Variants in ZNF678 observed in about 807,000 individuals in gnomAD.
ZNF678 encodes zinc finger protein 678.
In ZNF678, 5 loss-of-function variants were observed where a neutral mutation model predicts 3.0. The ratio of observed to expected loss-of-function variants is 1.69; its 90% CI spans 0.88 to 3.56. ZNF678 has a LOEUF of 3.56. Ranked by LOEUF, ZNF678 falls within the 30% of genes most tolerant of loss-of-function variation. The probability of loss-of-function intolerance (pLI) is 0.00; values close to 1 mark genes in which losing one functional copy is unlikely to be tolerated. For synonymous variants in ZNF678, 218 were observed against 199.6 expected, an observed-to-expected ratio of 1.09 and a Z score of -0.78; for missense variants, 593 against 605.0, an observed-to-expected ratio of 0.98 and a Z score of 0.21.
rs545384021 is a variant in ZNF678 at position 227,603,993 on chromosome 1, T to G, written c.-164+40269T>G. On this transcript the variant is annotated intron_variant, in intron 1 of 3. Coordinates refer to ENST00000343776, the MANE Select transcript of ZNF678 (RefSeq NM_001367909.1). ...TAGTTTGTTTGAGGTTCATATCTGTTGTAGCATGTAGCATTATTTAATTCA... is the reference window on the plus strand; with the variant it reads ...TAGTTTGTTTGAGGTTCATATCTGTGGTAGCATGTAGCATTATTTAATTCA... 2.0e-5 allele frequency among the ~76,000 whole-genome samples: 3 copies of G among 152,368 alleles called. No homozygotes were observed. The South Asian group carries it at 6.2e-4, about 32-fold the overall frequency.
intron 1 of ZNF678, among the ~76,000 whole-genome samples, chr1:227,590,123 C>A (rs1206514462): frequency 6.6e-6 from 1 of 151,784 alleles, no homozygotes; most frequent in Non-Finnish European, 1.5e-5. Flanking sequence ...GTTCCTATTA[C>A]TACTATAATT....
In ZNF678 at chr1:227,656,929, C is replaced by T. The variant is rs1176380295; in HGVS notation, c.*1101C>T. The T allele has an allele frequency of 1.3e-5, 2 of 151,926 alleles. No individual in the cohort carries two copies. The highest frequency in any genetic ancestry group is 2.4e-5 in the African/African-American group (1 of 41,400). The allele number at this position is 151,926 out of a possible 1,614,324, so 9.4% of individuals were successfully genotyped here. ...TTGTAGGTAACAGATAGTAACAATACACTACTGGGTAACAGTGAAAGGACA... is the reference window on the plus strand; with the variant it reads ...TTGTAGGTAACAGATAGTAACAATATACTACTGGGTAACAGTGAAAGGACA... On this transcript the variant is annotated 3_prime_UTR_variant, in exon 4 of 4. Transcript: ENST00000343776.
At chr1:227,616,667 T>C (rs1347804924) in intron 1 of ZNF678, among the ~76,000 whole-genome samples, 3 of 152,198 alleles carry the variant, frequency 2.0e-5, no homozygotes, top group African/African-American at 7.2e-5. Context: ...ATATTCCTCA[T>C]TTGAGTGTGT....
At chr1:227,598,970 A>C in intron 1 of ZNF678, 2 of 1,054,504 alleles carry the variant, frequency 1.9e-6, no homozygotes, top group South Asian at 1.3e-5. Context: ...TTTTTTCTTC[A>C]AATTCAGCCA....
chr1:227,576,433 CT>C (rs1378887009), intron 1 of ZNF678, among the ~76,000 whole-genome samples: 1 of 152,150 alleles, frequency 6.6e-6, no homozygotes, highest in African/African-American at 2.4e-5. Flanking sequence ...CACTATTTGT[CT>C]GTTCAGGGTT....
chr1:227,656,726 T>C lies in ZNF678; in HGVS notation c.*898T>C, dbSNP rs1659259013. 1 of 151,992 alleles carries C rather than the reference T, an allele frequency of 6.6e-6. No individual in the cohort carries two copies. 9.4% of individuals were successfully genotyped at this position (151,992 alleles called of 1,614,324 possible). ...TAGTAATAGGGAAACATTTTGAATT[T>C]CAGTAGTAAATTGTTTTATGAGTTG... On this transcript the variant is annotated 3_prime_UTR_variant, in exon 4 of 4. Transcript: ENST00000343776.
At chr1:227,647,098 CA>C (rs111899784) in intron 2 of ZNF678, among the ~76,000 whole-genome samples, 1 of 151,050 alleles carries the variant, frequency 6.6e-6, no homozygotes, top group Non-Finnish European at 1.5e-5. Context: ...ACTAAAAATA[CA>C]AAAAAAAATT....
At chr1:227,667,661 CTT>C (rs1482266609) in intron 5 of ZNF678, among the ~76,000 whole-genome samples, 2 of 152,202 alleles carry the variant, frequency 1.3e-5, no homozygotes, top group Non-Finnish European at 1.5e-5. Flanking sequence ...AGAACGATGA[CTT>C]ATCAGTTCTT....
intron 1 of ZNF678, chr1:227,582,541 C>T (rs1239804836): frequency 1.1e-5 from 2 of 190,376 alleles, no homozygotes; most frequent in Admixed American, 6.0e-5. Flanking sequence ...GTTGCCCAGG[C>T]TGGTCTTGAA....
intron 3 of ZNF678, 58 bp from the exon 4 acceptor site, chr1:227,654,278 A>G (rs1659157537): frequency 3.1e-6 from 4 of 1,269,926 alleles, no homozygotes; most frequent in Non-Finnish European, 3.2e-6. Context: ...TTAGATTTGT[A>G]AAGTATATTT....
chr1:227,593,863 C>T (rs371597312), intron 1 of ZNF678, among the ~76,000 whole-genome samples: 20 of 76,738 alleles, frequency 2.6e-4, no homozygotes, highest in African/African-American at 9.7e-4. Context: ...CATCCCCCCC[C>T]CCCCTTTTTT....
chr1:227,563,798 G>A, intron 1 of ZNF678, 74 bp downstream of exon 1: 1 of 1,275,624 alleles, frequency 7.8e-7, no homozygotes, highest in East Asian at 5.6e-5. Flanking sequence ...CCGCGGCCCG[G>A]AGTCCCGGCT....
chr1:227,620,453 T>C (rs1431598388), intron 1 of ZNF678, among the ~76,000 whole-genome samples: 1 of 152,236 alleles, frequency 6.6e-6, no homozygotes, highest in Non-Finnish European at 1.5e-5. Context: ...CCCTTTTCAC[T>C]GCTTAAGGGA....
Position 227,655,030 on chromosome 1 carries a change from T to G in ZNF678, c.780T>G (p.Thr260=), listed in dbSNP as rs750611439. 15 of 1,612,098 alleles carry G rather than the reference T, an allele frequency of 9.3e-6. No homozygotes were observed. The highest frequency in any genetic ancestry group is 1.3e-5 in the Non-Finnish European group (15 of 1,179,318). ...TTACTCAACATAAGAGAATTCATAC[T>G]GGAGAGAAACCTTACAAGTGTGAAG... ...SNLTQHKRIH[T]GEKPYKCEEC... The change falls in exon 4 of 4, where the codon ACT becomes ACG. Residue 260 remains threonine (T), a synonymous_variant. Coordinates refer to ENST00000343776, the MANE Select transcript of ZNF678 (RefSeq NM_001367909.1).
At chr1:227,635,137 T>C (rs1390114736) in intron 1 of ZNF678, among the ~76,000 whole-genome samples, 1 of 152,194 alleles carries the variant, frequency 6.6e-6, no homozygotes, top group Non-Finnish European at 1.5e-5. Context: ...GTGAAGAGAT[T>C]ATGCTTTTCT....
intron 1 of ZNF678, among the ~76,000 whole-genome samples, chr1:227,583,433 C>T (rs1212938590): frequency 5.4e-5 from 8 of 148,832 alleles, no homozygotes; most frequent in Non-Finnish European, 8.9e-5. Context: ...CTCCCTGCAA[C>T]GTCCACCTCC....
At position 227,655,656 on chromosome 1, in the gene ZNF678, C is replaced by T; in HGVS notation, c.1406C>T (p.Ala469Val). ...KPYKCEECGKAFNQFSSLTRH... is the reference protein window; with the variant it reads ...KPYKCEECGKVFNQFSSLTRH... ...TACAAATGTGAAGAATGTGGCAAAG[C>T]CTTTAACCAGTTCTCAAGCCTTACT... Residue 469 changes from alanine (A) to valine (V), a missense_variant, in exon 4 of 4, where the codon GCC becomes GTC. By Grantham distance (64) the Ala-to-Val change is moderately conservative. Coordinates refer to ENST00000343776, the MANE Select transcript of ZNF678 (RefSeq NM_001367909.1). 1 of 1,612,526 alleles carries T rather than the reference C, an allele frequency of 6.2e-7. No homozygotes were observed. Among genetic ancestry groups the T allele is most frequent in the Admixed American group, 1.7e-5 (1 of 59,822 alleles).
At chr1:227,645,901 A>G (rs1200746890) in intron 1 of ZNF678, among the ~76,000 whole-genome samples, 2 of 152,226 alleles carry the variant, frequency 1.3e-5, no homozygotes, top group Non-Finnish European at 2.9e-5. Context: ...ATTATTAAGT[A>G]CATTGGGGAG....
At chr1:227,567,996 G>T (rs1160732812) in intron 1 of ZNF678, among the ~76,000 whole-genome samples, 1 of 152,134 alleles carries the variant, frequency 6.6e-6, no homozygotes, top group Non-Finnish European at 1.5e-5. Flanking sequence ...AGGATGAAAG[G>T]TGCCAAAATT....
Sources: gnomAD v4.1 joint callset for allele counts (sites outside exome capture counted in the v4.1 genomes callset) on GRCh38, gnomAD v4.1.1 for gene constraint, MANE v1.5 for transcripts, NCBI Gene and HGNC (gene_info 2026-07-23, HGNC 2026-07-21) for gene names.